EZR: variants seen among roughly 807,000 people sequenced by gnomAD.
The protein encoded by EZR is cytovillin 2.
A neutral mutation model predicts 74.8 loss-of-function variants in EZR; 40 were observed. The ratio of observed to expected loss-of-function variants is 0.53; its 90% CI spans 0.42 to 0.70. The LOEUF (loss-of-function observed/expected upper bound fraction) is 0.70. Among genes scored for constraint, EZR ranks in the 30% least tolerant of loss-of-function variants. EZR has a pLI of 0.00. For missense variants in EZR, 678 were observed against 755.8 expected, an observed-to-expected ratio of 0.90 and a Z score of 1.21; for synonymous variants, 341 against 283.3, an observed-to-expected ratio of 1.20 and a Z score of -2.05.
At chr6:158,805,539 C>T (rs1777319124) in intron 2 of EZR, among the ~76,000 whole-genome samples, 1 of 152,060 alleles carries the variant, frequency 6.6e-6, no homozygotes, top group Non-Finnish European at 1.5e-5. Context: ...AAGATTTGAA[C>T]TCACCCCAGT....
At chr6:158,811,854 G>A (rs1439408431) in intron 2 of EZR, among the ~76,000 whole-genome samples, 1 of 145,288 alleles carries the variant, frequency 6.9e-6, no homozygotes, top group Non-Finnish European at 1.5e-5. Context: ...CAGCCTGGGT[G>A]ACAGAGTGAG....
intron 8 of EZR, among the ~76,000 whole-genome samples, chr6:158,773,309 T>G (rs1791177293): frequency 6.6e-6 from 1 of 152,048 alleles, no homozygotes; most frequent in Non-Finnish European, 1.5e-5. Context: ...ATTTGGGGAG[T>G]CCACTGCCAG....
chr6:158,776,984 C>G (rs1791297888), intron 7 of EZR, among the ~76,000 whole-genome samples: 1 of 152,208 alleles, frequency 6.6e-6, no homozygotes, highest in African/African-American at 2.4e-5. Context: ...GTCCTTAACT[C>G]AGCATCCAAG....
chr6:158,770,238 G>A (rs1297844656), intron 10 of EZR, among the ~76,000 whole-genome samples: 1 of 152,230 alleles, frequency 6.6e-6, no homozygotes, highest in Non-Finnish European at 1.5e-5. Context: ...CCGCTGTGCT[G>A]GTGGTCCACA....
At chr6:158,789,638 G>C in intron 2 of EZR, 3 of 491,814 alleles carry the variant, frequency 6.1e-6, no homozygotes, top group South Asian at 4.8e-5. Flanking sequence ...TCTTTTCTTT[G>C]AGACAGGCTC....
Position 158,785,441 on chromosome 6 carries a change from C to G in EZR, c.335G>C (p.Ser112Thr). The G allele has an allele frequency of 6.2e-7, 1 of 1,614,204 alleles. No homozygotes were observed. The highest frequency in any genetic ancestry group is 1.3e-5 in the African/African-American group (1 of 75,054). Residue 112 changes from serine to threonine, a missense_variant, in exon 5 of 14, where the codon AGC (serine) becomes ACC (threonine). Physicochemically the swap from Ser to Thr is moderately conservative, Grantham distance 58 (BLOSUM62 1). Around this residue, in one of 3 missense-constraint regions of EZR, gnomAD observed 217 missense variants for 232.2 expected, o/e 0.93. Coordinates refer to ENST00000367075, the MANE Select transcript of EZR (RefSeq NM_001111077.2). ...FFLQVKEGILSDEIYCPPETA... is the reference protein window; with the variant it reads ...FFLQVKEGILTDEIYCPPETA... ...CTCAGGGGGGCAGTAGATCTCATCG[C>G]TAAGGATTCCTTCCTTCACTTGGAG...
At position 158,766,853 on chromosome 6, in the gene EZR, C is replaced by A; in HGVS notation, c.*61G>T. Reference sequence around the variant, plus strand: ...AGACTTGGAGCACTAAAGACACAAGCGTGGCGGGGCTGGCAGCGCCCGCTA... The same window carrying A: ...AGACTTGGAGCACTAAAGACACAAGAGTGGCGGGGCTGGCAGCGCCCGCTA... On this transcript the variant is annotated 3_prime_UTR_variant, in exon 14 of 14. Coordinates refer to ENST00000367075, the MANE Select transcript of EZR (RefSeq NM_001111077.2). 1.3e-6 allele frequency: 2 copies of A among 1,495,932 alleles called. No homozygotes were observed. The highest frequency in any genetic ancestry group is 9.2e-7 in the Non-Finnish European group (1 of 1,087,192). 92.7% of individuals were successfully genotyped at this position (1,495,932 alleles called of 1,614,324 possible).
chr6:158,808,999 G>T (rs1283119008), intron 2 of EZR, among the ~76,000 whole-genome samples: 1 of 152,164 alleles, frequency 6.6e-6, no homozygotes, highest in Non-Finnish European at 1.5e-5. Context: ...GTCAGGTGTG[G>T]TAGTGAGCGC....
intron 6 of EZR, 129 bp downstream of exon 6, chr6:158,784,515 A>T: frequency 1.3e-6 from 1 of 753,700 alleles, no homozygotes; most frequent in Non-Finnish European, 2.1e-6. Context: ...CCCACTTTTA[A>T]CTCGGTTCCC....
chr6:158,770,681 G>GT (rs758916854), intron 10 of EZR, 83 bp downstream of exon 10: 154 of 1,526,848 alleles, frequency 1.0e-4, no homozygotes, highest in Non-Finnish European at 1.4e-4. Flanking sequence ...TTCCTTCCTG[G>GT]TGAGTGGGTG....
Position 158,769,344 on chromosome 6 carries a change from A to T in EZR, c.1326T>A (p.Val442=). The T allele has an allele frequency of 6.2e-7, 1 of 1,609,950 alleles. No homozygotes were observed. The highest frequency in any genetic ancestry group is 8.5e-7 in the Non-Finnish European group (1 of 1,180,000). ...EEARRRKEDE[V]EEWQHRAKEA... ...GACTCACCCTGTGCTGCCACTCTTC[A>T]ACTTCATCCTCCTTGCGCCTCCGCG... is the stretch of plus-strand genomic sequence containing the variant. The change falls in exon 12 of 14, where the codon GTT becomes GTA. Residue 442 remains valine, a synonymous_variant. Transcript: ENST00000367075.
intron 7 of EZR, among the ~76,000 whole-genome samples, chr6:158,781,568 T>C (rs1298895934): frequency 6.6e-6 from 1 of 152,204 alleles, no homozygotes; most frequent in Non-Finnish European, 1.5e-5. Context: ...AAAAACCTGT[T>C]TGGACAGCCC....
rs780495451 is a variant in EZR, at chr6:158,784,621, C to G, written c.551+23G>C. ...GGAGCGCACGGAGATGGCAAGATCC[C>G]AACAGCAGGGCACAGCACTCACTTG... On this transcript the variant is annotated intron_variant, in intron 6 of 13. Coordinates refer to ENST00000367075, the MANE Select transcript of EZR (RefSeq NM_001111077.2). 5.6e-6 allele frequency: 9 copies of G among 1,608,842 alleles called. No homozygotes were observed. The Admixed American group carries it at 1.5e-4, about 27-fold the overall frequency.
chr6:158,767,133 GT>G, intron 13 of EZR, 55 bp from the exon 14 acceptor site: 1 of 1,600,680 alleles, frequency 6.2e-7, no homozygotes, highest in Non-Finnish European at 8.5e-7. Flanking sequence ...GGCCCGGCCC[GT>G]CCCCTAGGAA....
chr6:158,772,893 A>C (rs1265532987), intron 8 of EZR, among the ~76,000 whole-genome samples: 1 of 152,186 alleles, frequency 6.6e-6, no homozygotes, highest in Non-Finnish European at 1.5e-5. Context: ...GAATCTATTT[A>C]GCTTCAGTCT....
intron 13 of EZR, 69 bp from the exon 14 acceptor site, chr6:158,767,147 C>G: frequency 6.3e-7 from 1 of 1,594,986 alleles, no homozygotes; most frequent in Admixed American, 1.7e-5. Context: ...CCTAGGAAAA[C>G]AGGAAGGGCA....
rs922540195 is a variant in EZR, at chr6:158,818,211, C to G, written c.-73-45G>C. 7.2e-6 allele frequency: 8 copies of G among 1,106,422 alleles called. No individual in the cohort carries two copies. The Admixed American group carries it at 1.7e-4, about 23-fold the overall frequency. 68.5% of individuals were successfully genotyped at this position (1,106,422 alleles called of 1,614,324 possible). The stretch of plus-strand genomic sequence containing the variant: ...CTTAGAGCGCCCGCCCGCCCTGCCT[C>G]GTCCTCCTGCCGCGCCCGACACTCG... On this transcript the variant is annotated intron_variant, in intron 1 of 13. Coordinates refer to ENST00000367075, the MANE Select transcript of EZR (RefSeq NM_001111077.2).
intron 7 of EZR, among the ~76,000 whole-genome samples, chr6:158,782,658 G>C (rs1791462825): frequency 6.6e-6 from 1 of 152,228 alleles, no homozygotes; most frequent in Non-Finnish European, 1.5e-5. Flanking sequence ...CAGATGATTT[G>C]TTTCGGGGAG....
At chr6:158,818,727 G>T (rs1777622820) in intron 1 of EZR, among the ~76,000 whole-genome samples, 1 of 151,540 alleles carries the variant, frequency 6.6e-6, no homozygotes, top group Non-Finnish European at 1.5e-5. Context: ...GGGAGCGCGC[G>T]CCTGGGAGAG....
Sources: gnomAD v4.1 joint callset for allele counts (sites outside exome capture counted in the v4.1 genomes callset) on GRCh38, gnomAD v4.1.1 for gene constraint, gnomAD v4.1.1 regional missense constraint, MANE v1.5 for transcripts, NCBI Gene and HGNC (gene_info 2026-07-23, HGNC 2026-07-21) for gene names.